Variants in WDFY4 observed in about 807,000 individuals in gnomAD.
The protein encoded by WDFY4 is WDFY family member 4.
A neutral mutation model predicts 351.9 loss-of-function variants in WDFY4; 169 were observed. That is an observed-to-expected ratio of 0.48 (90% CI 0.42 to 0.55). WDFY4 has a LOEUF of 0.55. Ranked by LOEUF, WDFY4 falls within the 20% of genes least tolerant of loss-of-function variation. The pLI is 0.00. For missense variants in WDFY4, 3,803 were observed against 3,935.6 expected, an observed-to-expected ratio of 0.97 and a Z score of 0.90; for synonymous variants, 1,622 against 1,574.6, an observed-to-expected ratio of 1.03 and a Z score of -0.71.
intron 55 of WDFY4, chr10:48,968,044 C>T (rs920776828): frequency 6.6e-6 from 1 of 152,236 alleles, no homozygotes; most frequent in African/African-American, 2.4e-5. Context: ...CAAACCACAT[C>T]AACAGTAACA....
At chr10:48,764,437 TG>T (rs1346506918) in intron 13 of WDFY4, among the ~76,000 whole-genome samples, 2 of 152,236 alleles carry the variant, frequency 1.3e-5, no homozygotes, top group Non-Finnish European at 2.9e-5. Flanking sequence ...GGAGCTGAGT[TG>T]GCCCCAGAAA....
At chr10:48,938,304 T>A (rs1840524148) in intron 47 of WDFY4, among the ~76,000 whole-genome samples, 2 of 152,214 alleles carry the variant, frequency 1.3e-5, no homozygotes, top group South Asian at 4.1e-4. Flanking sequence ...GTCTGCCATA[T>A]TAGGGCTACA....
At chr10:48,866,125 C>T (rs1260223421) in intron 39 of WDFY4, among the ~76,000 whole-genome samples, 1 of 152,016 alleles carries the variant, frequency 6.6e-6, no homozygotes. Flanking sequence ...CTTCTACTTG[C>T]TTTAGATTTA....
rs777369238 is a variant in WDFY4, at chr10:48,981,453, G to T, written c.9463G>T (p.Ala3155Ser). Residue 3155 changes from alanine (A) to serine (S), a missense_variant, in exon 61 of 62, where the codon GCA becomes TCA. Physicochemically the swap from Ala to Ser is moderately conservative, Grantham distance 99 (BLOSUM62 1). This residue lies in a region of WDFY4 where 3,054 missense variants were observed against 3,148.6 expected (regional missense o/e 0.97). Transcript: ENST00000325239. ...LTGKPSKTSP[A>S]VTALAVSRNH... ...AGGGAAGCCCAGCAAAACCAGCCCC[G>T]CAGTGACTGCTCTGGCCGTGTCCAG... The T allele has an allele frequency of 4.5e-6, 7 of 1,551,654 alleles. No individual in the cohort carries two copies. The highest frequency in any genetic ancestry group is 4.9e-5 in the East Asian group (2 of 40,914).
chr10:48,826,948 C>A, intron 36 of WDFY4, 39 bp downstream of exon 36: 3 of 1,131,832 alleles, frequency 2.7e-6, no homozygotes, highest in South Asian at 1.7e-5. Flanking sequence ...TGCTGGTGGT[C>A]CATGCAGAAA....
Position 48,835,674 on chromosome 10 carries a change from A to T in WDFY4, c.6663+2965A>T, listed in dbSNP as rs4088644. On this transcript the variant is annotated intron_variant, in intron 39 of 61. Transcript: ENST00000325239. ...AGCATGGTTAAGCTTTTGTAATTGC[A>T]CACAACTAGTGGGATAAATTTTTGA... 1.7e-3 allele frequency among the ~76,000 whole-genome samples: 265 copies of T among 152,328 alleles called. 1 individual carries two copies. Among genetic ancestry groups the T allele is most frequent in the African/African-American group, 6.0e-3 (250 of 41,582 alleles).
intron 53 of WDFY4, 58 bp from the exon 54 acceptor site, chr10:48,963,784 C>A (rs558319885): frequency 2.0e-6 from 3 of 1,494,650 alleles, no homozygotes; most frequent in Non-Finnish European, 1.8e-6. Context: ...ATCTGTGCAG[C>A]GAGTGCATGA....
At chr10:48,833,170 T>TGA (rs535221665) in intron 39 of WDFY4, among the ~76,000 whole-genome samples, 1,468 of 139,206 alleles carry the variant, frequency 0.011, 10 homozygotes, top group Non-Finnish European at 0.015. Flanking sequence ...TGTGTGTGTG[T>TGA]GTGAGAGAGA....
chr10:48,801,435 A>C (rs1056129622), intron 24 of WDFY4: 7 of 450,184 alleles, frequency 1.6e-5, no homozygotes, highest in African/African-American at 1.4e-4. Context: ...CAGGCCTGGC[A>C]TATCATTTGT....
At chr10:48,972,827 T>TA (rs1461347234) in intron 57 of WDFY4, among the ~76,000 whole-genome samples, 2 of 152,214 alleles carry the variant, frequency 1.3e-5, no homozygotes, top group Non-Finnish European at 2.9e-5. Context: ...CATGGGGAAT[T>TA]ATTTTCCGGG....
intron 46 of WDFY4, among the ~76,000 whole-genome samples, chr10:48,901,442 G>A (rs1326707224): frequency 1.3e-5 from 2 of 152,242 alleles, no homozygotes; most frequent in East Asian, 3.8e-4. Context: ...GGCTCAAGGA[G>A]CCTGGCATTA....
At chr10:48,774,810 TC>T in intron 14 of WDFY4, 138 bp downstream of exon 14, 2 of 1,150,464 alleles carry the variant, frequency 1.7e-6, no homozygotes, top group Non-Finnish European at 2.5e-6. Context: ...AAGGCTGGAG[TC>T]CATGGCTGAG....
At position 48,723,474 on chromosome 10, in the gene WDFY4, G is replaced by A; in HGVS notation, c.498G>A (p.Leu166=). 6.4e-7 allele frequency: 1 copy of A among 1,550,900 alleles called. No individual in the cohort carries two copies. The highest frequency in any genetic ancestry group is 8.7e-7 in the Non-Finnish European group (1 of 1,146,990). Residue 166 remains leucine (L), a synonymous_variant, in exon 5 of 62, where the codon CTG becomes CTA. Transcript: ENST00000325239. ...TTGCTGAGTCTGGGCTTCCAGCCCT[G>A]CTCCTACAGTGCCTTTACCTCTTCT... is the stretch of plus-strand genomic sequence containing the variant. The part of the protein sequence containing the change: ...GRVAESGLPA[L]LLQCLYLFFV...
At chr10:48,824,336 T>C (rs1407574749) in intron 35 of WDFY4, among the ~76,000 whole-genome samples, 1 of 152,214 alleles carries the variant, frequency 6.6e-6, no homozygotes, top group Non-Finnish European at 1.5e-5. Flanking sequence ...CTGTGCAAAA[T>C]GCTTAGCATA....
chr10:48,744,694 C>T (rs2064957440), intron 12 of WDFY4, among the ~76,000 whole-genome samples: 1 of 152,176 alleles, frequency 6.6e-6, no homozygotes, highest in African/African-American at 2.4e-5. Context: ...CAGAACTTGC[C>T]TCTAAATGCT....
chr10:48,888,156 T>G (rs1405050008), intron 43 of WDFY4, among the ~76,000 whole-genome samples: 1 of 152,148 alleles, frequency 6.6e-6, no homozygotes. Flanking sequence ...TGGTTGCCCC[T>G]GGGGAAGACT....
At chr10:48,874,801 C>T (rs190412435) in intron 41 of WDFY4, among the ~76,000 whole-genome samples, 2 of 152,304 alleles carry the variant, frequency 1.3e-5, no homozygotes, top group East Asian at 3.9e-4. Flanking sequence ...TACACAGAGA[C>T]ATTGAGGATG....
intron 1 of WDFY4, among the ~76,000 whole-genome samples, chr10:48,699,198 T>C (rs35583249): frequency 0.055 from 8,307 of 151,990 alleles, 303 homozygotes; most frequent in South Asian, 0.09. Flanking sequence ...GCTCTCAGGG[T>C]GACCATGGAG....
intron 31 of WDFY4, among the ~76,000 whole-genome samples, chr10:48,816,883 G>A (rs1175966231): frequency 6.6e-6 from 1 of 152,214 alleles, no homozygotes; most frequent in Non-Finnish European, 1.5e-5. Context: ...TACTCAGTGA[G>A]TTTGGTACAA....
Sources: gnomAD v4.1 joint callset for allele counts (sites outside exome capture counted in the v4.1 genomes callset) on GRCh38, gnomAD v4.1.1 for gene constraint, gnomAD v4.1.1 regional missense constraint, MANE v1.5 for transcripts, NCBI Gene and HGNC (gene_info 2026-07-23, HGNC 2026-07-21) for gene names.